Variants in EDNRA observed in about 807,000 individuals in gnomAD.
EDNRA encodes the protein endothelin-1 receptor.
Under a neutral mutation model 41.4 loss-of-function variants are expected in EDNRA, and 11 were observed. The observed-to-expected ratio is 0.27, with a 90% CI of 0.17 to 0.44. The LOEUF is 0.44. EDNRA is among the 20% of genes least tolerant of loss of function. The pLI is 1.00. For synonymous variants in EDNRA, 172 were observed against 183.0 expected, an observed-to-expected ratio of 0.94 and a Z score of 0.49; for missense variants, 294 against 531.0, an observed-to-expected ratio of 0.55 and a Z score of 4.39.
intron 2 of EDNRA, among the ~76,000 whole-genome samples, chr4:147,514,496 G>A (rs1429618914): frequency 1.3e-5 from 2 of 151,364 alleles, no homozygotes; most frequent in African/African-American, 2.4e-5. Flanking sequence ...TTTTTGAGAC[G>A]GAGTTTCACT....
At chr4:147,484,862 T>G (rs1728889988) in intron 1 of EDNRA, among the ~76,000 whole-genome samples, 1 of 152,256 alleles carries the variant, frequency 6.6e-6, no homozygotes. Context: ...ATTATTTCAT[T>G]CTTAATTGAA....
chr4:147,541,672 G>A (rs1731108116), intron 7 of EDNRA, among the ~76,000 whole-genome samples: 1 of 152,170 alleles, frequency 6.6e-6, no homozygotes, highest in Non-Finnish European at 1.5e-5. Flanking sequence ...TCTAAACAGA[G>A]GCAGACATAT....
chr4:147,527,921 A>T (rs1730610382), intron 3 of EDNRA, among the ~76,000 whole-genome samples: 2 of 152,220 alleles, frequency 1.3e-5, no homozygotes. Flanking sequence ...CAACTGGAAC[A>T]TATGGGGCAG....
Position 147,535,891 on chromosome 4 carries a change from A to G in EDNRA, c.762A>G (p.Val254=), listed in dbSNP as rs779403988. The G allele has an allele frequency of 1.2e-6, 2 of 1,613,058 alleles. No individual in the cohort carries two copies. The highest frequency in any genetic ancestry group is 1.3e-5 in the African/African-American group (1 of 74,760). The change falls in exon 5 of 8, where the codon GTA becomes GTG. Residue 254 remains valine, a synonymous_variant. Transcript: ENST00000651419. ...TSKFMEFYQD[V]KDWWLFGFYF... ...TCACTTTGAAGTTCTACCAAGATGT[A>G]AAGGACTGGTGGCTCTTCGGGTTCT...
intron 7 of EDNRA, among the ~76,000 whole-genome samples, chr4:147,542,168 C>T (rs1175397603): frequency 1.3e-5 from 2 of 152,306 alleles, no homozygotes; most frequent in East Asian, 3.9e-4. Context: ...ACCCCCCCAC[C>T]AGCCCAGCCC....
At chr4:147,520,319 A>G (rs1489355691) in intron 3 of EDNRA, 2 of 491,854 alleles carry the variant, frequency 4.1e-6, no homozygotes, top group Admixed American at 2.2e-5. Flanking sequence ...TGGTAAATTT[A>G]TCATAAAAAA....
rs1285206211 is a variant in EDNRA, at chr4:147,519,407, T to A, written c.421-444T>A. Among the ~76,000 whole-genome samples the A allele has an allele frequency of 6.6e-6, 1 of 152,150 alleles. No homozygotes were observed. The highest frequency in any genetic ancestry group is 1.5e-5 in the Non-Finnish European group (1 of 68,016). ...AGTAAGCACAGATAAAAAACCACTG[T>A]CGGCTTCTCAGTTGAGCTGTCTCCC... On this transcript the variant is annotated intron_variant, in intron 2 of 7. Transcript: ENST00000651419. The surrounding 1 kb of genome is among the most constrained non-coding windows in gnomAD (Gnocchi z 4.1).
At chr4:147,540,585 C>G in intron 7 of EDNRA, 100 bp downstream of exon 7, 1 of 750,888 alleles carries the variant, frequency 1.3e-6, no homozygotes. Flanking sequence ...CTTTGATCAG[C>G]TATACTACTT....
At chr4:147,528,175 T>C (rs937793541) in intron 3 of EDNRA, among the ~76,000 whole-genome samples, 3 of 152,122 alleles carry the variant, frequency 2.0e-5, no homozygotes, top group African/African-American at 7.2e-5. Context: ...AAGAATTCCC[T>C]AGCCAATTAA....
At chr4:147,522,823 G>C (rs1358992937) in intron 3 of EDNRA, among the ~76,000 whole-genome samples, 1 of 152,186 alleles carries the variant, frequency 6.6e-6, no homozygotes, top group African/African-American at 2.4e-5. Context: ...ACAGCCTCAG[G>C]AGGTCCCGAG....
At chr4:147,482,125 C>T (rs1438852868) in intron 1 of EDNRA, among the ~76,000 whole-genome samples, 1 of 152,174 alleles carries the variant, frequency 6.6e-6, no homozygotes, top group Non-Finnish European at 1.5e-5. Context: ...CCTCAGAAAA[C>T]TTGTAAAAAG....
intron 2 of EDNRA, among the ~76,000 whole-genome samples, chr4:147,507,912 C>T (rs1345744673): frequency 6.6e-6 from 1 of 152,138 alleles, no homozygotes; most frequent in African/African-American, 2.4e-5. Flanking sequence ...GGATGTTGAG[C>T]ATTTTCTATG....
chr4:147,516,873 A>T (rs1730133383), intron 2 of EDNRA, among the ~76,000 whole-genome samples: 1 of 152,194 alleles, frequency 6.6e-6, no homozygotes, highest in Non-Finnish European at 1.5e-5. Flanking sequence ...TGCTTTTAAA[A>T]ATCAAAACTT....
chr4:147,486,738 CTTCAT>C lies in EDNRA; in HGVS notation c.420+641_420+645del, dbSNP rs1314978889. Among the ~76,000 whole-genome samples the C allele has an allele frequency of 6.6e-5, 10 of 152,004 alleles. No homozygotes were observed. On this transcript the variant is annotated intron_variant, in intron 2 of 7. Coordinates refer to ENST00000651419, the MANE Select transcript of EDNRA (RefSeq NM_001957.4). The surrounding 1 kb of genome is among the most constrained non-coding windows in gnomAD (Gnocchi z 4.3). The stretch of plus-strand genomic sequence containing the variant: ...AATTTGCCTGCTTTACTGTGGTCTC[CTTCAT>C]TTCTTCAGTCTGCATTTATTGAGCA...
chr4:147,542,887 C>T lies in EDNRA; in HGVS notation c.*269C>T, dbSNP rs1209924106. The T allele has an allele frequency of 3.2e-6, 1 of 315,056 alleles. No individual in the cohort carries two copies. Among genetic ancestry groups the T allele is most frequent in the African/African-American group, 2.1e-5 (1 of 46,946 alleles). The allele number at this position is 315,056 out of a possible 1,614,324, so 19.5% of individuals were successfully genotyped here. A position where few individuals can be genotyped will look rare whatever the true frequency, so the allele number is the denominator to read the frequency against. ...GGTGGGAGCTGGGGGAGAATGAAGA[C>T]TGTTAAATGAAACCAGAAGGATATT... On this transcript the variant is annotated 3_prime_UTR_variant, in exon 8 of 8. Coordinates refer to ENST00000651419, the MANE Select transcript of EDNRA (RefSeq NM_001957.4).
chr4:147,518,287 A>C (rs1730186316), intron 2 of EDNRA, among the ~76,000 whole-genome samples: 1 of 152,146 alleles, frequency 6.6e-6, no homozygotes. Context: ...CAATGGCATA[A>C]TTATTTGTCA....
At chr4:147,511,474 T>G (rs10031628) in intron 2 of EDNRA, among the ~76,000 whole-genome samples, 10,761 of 151,698 alleles carry the variant, frequency 0.071, 1,241 homozygotes, top group African/African-American at 0.24. Context: ...CCATATCTTT[T>G]TTGGCTCATT....
intron 2 of EDNRA, chr4:147,506,741 C>G (rs6537484): frequency 0.39 from 117,000 of 303,486 alleles, 23,193 homozygotes; most frequent in Middle Eastern, 0.54. Flanking sequence ...ACAGACATCA[C>G]CAAGGAGAAG....
chr4:147,542,772 C>A lies in EDNRA; in HGVS notation c.*154C>A. The A allele has an allele frequency of 2.3e-6, 2 of 886,732 alleles. No individual in the cohort carries two copies. The highest frequency in any genetic ancestry group is 3.3e-6 in the Non-Finnish European group (2 of 603,544). The allele number at this position is 886,732 out of a possible 1,614,324, so 54.9% of individuals were successfully genotyped here. A position where few individuals can be genotyped will look rare whatever the true frequency, so the allele number is the denominator to read the frequency against. ...TGCTTTCCAAAACCGCAAGGGTAGA[C>A]TGGTTTATCCACCCACAACATCTAC... On this transcript the variant is annotated 3_prime_UTR_variant, in exon 8 of 8. Coordinates refer to ENST00000651419, the MANE Select transcript of EDNRA (RefSeq NM_001957.4).
Sources: allele counts gnomAD v4.1 joint callset (sites outside exome capture counted in the v4.1 genomes callset), GRCh38; gene constraint gnomAD v4.1.1; non-coding constraint Gnocchi (gnomAD v3.1); transcripts MANE v1.5; gene names NCBI Gene and HGNC (gene_info 2026-07-23, HGNC 2026-07-21).